Variants in PPP2R1B observed in about 807,000 individuals in gnomAD.
The protein encoded by PPP2R1B is protein phosphatase 2 scaffold subunit Abeta, also known as serine/threonine-protein phosphatase 2A 65 kDa regulatory subunit A beta isoform.
A neutral mutation model predicts 72.7 loss-of-function variants in PPP2R1B; 58 were observed. The observed-to-expected ratio is 0.80, with a 90% CI of 0.65 to 0.99. The LOEUF (loss-of-function observed/expected upper bound fraction) is 0.99, where lower values mean the gene tolerates loss of function less well. PPP2R1B is among the 50% of genes least tolerant of loss of function. PPP2R1B has a pLI of 0.00. For missense variants in PPP2R1B, 695 were observed against 733.6 expected, an observed-to-expected ratio of 0.95 and a Z score of 0.61; for synonymous variants, 256 against 264.6, an observed-to-expected ratio of 0.97 and a Z score of 0.32.
rs1944476256 is a variant in PPP2R1B at position 111,740,317 on chromosome 11, A to G, written c.*1279T>C. On this transcript the variant is annotated 3_prime_UTR_variant, in exon 15 of 15. Coordinates refer to ENST00000527614, the MANE Select transcript of PPP2R1B (RefSeq NM_002716.5). ...AGTGCAACCTCTACCTCCCAGGTTC[A>G]AGCAATTCTCCTGCCTCAGCCTCCT... is the stretch of plus-strand genomic sequence containing the variant. 3.4e-6 allele frequency: 3 copies of G among 885,250 alleles called. No homozygotes were observed. The highest frequency in any genetic ancestry group is 4.1e-6 in the Non-Finnish European group (3 of 739,106). The allele number at this position is 885,250 out of a possible 1,614,324, so 54.8% of individuals were successfully genotyped here.
At chr11:111,754,929 A>G in intron 7 of PPP2R1B, 51 bp downstream of exon 7, 2 of 1,481,028 alleles carry the variant, frequency 1.4e-6, no homozygotes, top group Non-Finnish European at 1.9e-6. Flanking sequence ...CTAACAAAAA[A>G]ATGCACCAAA....
At chr11:111,717,053 G>T in the PPP2R1B span, among the ~76,000 whole-genome samples, 1 of 152,140 alleles carries the variant, frequency 6.6e-6, no homozygotes, top group South Asian at 2.1e-4. Flanking sequence ...GGTGGCTCAC[G>T]CCCGTAATCC....
chr11:111,735,784 C>T (rs1480693746), downstream of PPP2R1B, among the ~76,000 whole-genome samples: 2 of 152,192 alleles, frequency 1.3e-5, no homozygotes, highest in African/African-American at 2.4e-5. Context: ...TCACCCCATT[C>T]GGACAGATTG....
the PPP2R1B span, among the ~76,000 whole-genome samples, chr11:111,698,762 T>C: frequency 6.6e-6 from 1 of 152,284 alleles, no homozygotes; most frequent in East Asian, 1.9e-4. Context: ...ATTTGGAGAG[T>C]ATCCTCAATT....
At chr11:111,742,758 C>A (rs1246929974) in intron 12 of PPP2R1B, 93 bp from the exon 13 acceptor site, 1 of 1,201,770 alleles carries the variant, frequency 8.3e-7, no homozygotes, top group Non-Finnish European at 1.1e-6. Flanking sequence ...AAATAATTGA[C>A]CAATAGGAAA....
intron 5 of PPP2R1B, among the ~76,000 whole-genome samples, chr11:111,756,189 G>A (rs894414137): frequency 6.9e-6 from 1 of 145,128 alleles, no homozygotes; most frequent in Non-Finnish European, 1.5e-5. Flanking sequence ...CAGTCTGGGC[G>A]ACAGAGTGAC....
At chr11:111,689,065 C>T in the PPP2R1B span, among the ~76,000 whole-genome samples, 1 of 152,068 alleles carries the variant, frequency 6.6e-6, no homozygotes, top group African/African-American at 2.4e-5. Context: ...AGAAGCTTGT[C>T]AGGAAGATAA....
At chr11:111,703,213 C>G in the PPP2R1B span, 2 of 1,614,058 alleles carry the variant, frequency 1.2e-6, no homozygotes, top group Non-Finnish European at 1.7e-6. Flanking sequence ...ATTGCGAGCA[C>G]CTTATCCGAA....
chr11:111,701,443 C>A, the PPP2R1B span: 1 of 1,610,520 alleles, frequency 6.2e-7, no homozygotes, highest in South Asian at 1.1e-5. The surrounding 1 kb of genome is among the most constrained non-coding windows in gnomAD (Gnocchi z 4.2). Context: ...GCATTGTTTT[C>A]TTCCCTAGAG....
the PPP2R1B span, among the ~76,000 whole-genome samples, chr11:111,691,630 A>G: frequency 6.6e-6 from 1 of 152,194 alleles, no homozygotes; most frequent in African/African-American, 2.4e-5. Flanking sequence ...CTATGGTTGT[A>G]CATTTAGTGT....
chr11:111,720,514 A>T, the PPP2R1B span: 1 of 1,611,254 alleles, frequency 6.2e-7, no homozygotes, highest in South Asian at 1.1e-5. Context: ...CCCTCCCTTG[A>T]CAGTGTGGAC....
At chr11:111,719,877 G>A in the PPP2R1B span, 1 of 1,614,130 alleles carries the variant, frequency 6.2e-7, no homozygotes. Flanking sequence ...CGAAGGGCTG[G>A]AGACAGAAGG....
chr11:111,753,954 T>G (rs1945008797), intron 8 of PPP2R1B, among the ~76,000 whole-genome samples: 1 of 151,820 alleles, frequency 6.6e-6, no homozygotes, highest in African/African-American at 2.4e-5. Context: ...TCTCACCCTG[T>G]CACCTAGGCT....
chr11:111,721,732 G>A, the PPP2R1B span: 2 of 800,110 alleles, frequency 2.5e-6, no homozygotes, highest in African/African-American at 1.7e-5. Flanking sequence ...CAGTGGAGTT[G>A]GTATTCCTAT....
At chr11:111,747,301 C>T (rs1269981480) in intron 11 of PPP2R1B, among the ~76,000 whole-genome samples, 2 of 152,216 alleles carry the variant, frequency 1.3e-5, no homozygotes, top group Non-Finnish European at 2.9e-5. Flanking sequence ...GGGATACACA[C>T]ATATACCTCT....
At position 111,740,641 on chromosome 11, in the gene PPP2R1B, T is replaced by C; in HGVS notation, c.*955A>G. ...CACTTCAAATGATAAGACTCCAGTA[T>C]CACCCATACTAAAAACTTAGCAATA... On this transcript the variant is annotated 3_prime_UTR_variant, in exon 15 of 15. Coordinates refer to ENST00000527614, the MANE Select transcript of PPP2R1B (RefSeq NM_002716.5). 1 of 985,304 alleles carries C rather than the reference T, an allele frequency of 1.0e-6. No individual in the cohort carries two copies. The highest frequency in any genetic ancestry group is 1.2e-6 in the Non-Finnish European group (1 of 829,844). 61.0% of individuals were successfully genotyped at this position (985,304 alleles called of 1,614,324 possible). A position where few individuals can be genotyped will look rare whatever the true frequency, so the allele number is the denominator to read the frequency against.
chr11:111,761,392 T>C (rs957854371), intron 3 of PPP2R1B: 5 of 389,220 alleles, frequency 1.3e-5, no homozygotes. Context: ...GACAGGATCA[T>C]GTATATTTCC....
chr11:111,742,035 AAAG>A lies in PPP2R1B; in HGVS notation c.1789+15_1789+17del, dbSNP rs1288667522. ...TAACCAAGGCATAAGCTGCAAGGCAAAAGAAGGAAATACATACCACTTATAGCT... is the reference window on the plus strand; with the variant it reads ...TAACCAAGGCATAAGCTGCAAGGCAAAAGGAAATACATACCACTTATAGCT... On this transcript the variant is annotated intron_variant, in intron 14 of 14. Transcript: ENST00000527614. The A allele has an allele frequency of 1.9e-6, 3 of 1,595,558 alleles. No individual in the cohort carries two copies. The African/African-American group carries it at 4.0e-5, about 21-fold the overall frequency.
rs967933615 is a variant in PPP2R1B, at chr11:111,739,137, T to C, written c.*2459A>G. ...ACACAGTCTGGTTCTTTTGATTATT[T>C]GTTCCATGCACACATTGGAGGATAT... On this transcript the variant is annotated 3_prime_UTR_variant, in exon 15 of 15. Coordinates refer to ENST00000527614, the MANE Select transcript of PPP2R1B (RefSeq NM_002716.5). 1 of 985,286 alleles carries C rather than the reference T, an allele frequency of 1.0e-6. No individual in the cohort carries two copies. Among genetic ancestry groups the C allele is most frequent in the African/African-American group, 1.7e-5 (1 of 57,236 alleles). The allele number at this position is 985,286 out of a possible 1,614,324, so 61.0% of individuals were successfully genotyped here.
Sources: allele counts gnomAD v4.1 joint callset (sites outside exome capture counted in the v4.1 genomes callset), GRCh38; gene constraint gnomAD v4.1.1; non-coding constraint Gnocchi (gnomAD v3.1); transcripts MANE v1.5; gene names NCBI Gene and HGNC (gene_info 2026-07-23, HGNC 2026-07-21).